The following FAM135B variants were observed in gnomAD, a reference collection of about 807,000 sequenced individuals.
FAM135B encodes family with sequence similarity 135 member B, also known as protein FAM135B.
FAM135B carries 43 observed loss-of-function variants against 127.7 expected under a neutral mutation model. That is an observed-to-expected ratio of 0.34 (90% CI 0.26 to 0.43). The LOEUF is 0.43. FAM135B is among the 20% of genes least tolerant of loss of function. The probability of loss-of-function intolerance (pLI) is 1.00; values close to 1 mark genes in which losing one functional copy is unlikely to be tolerated. For missense variants in FAM135B, 1,558 were observed against 1,725.6 expected (o/e 0.90, Z 1.72); for synonymous variants, 670 against 665.1 (o/e 1.01, Z -0.11).
intron 1 of FAM135B, among the ~76,000 whole-genome samples, chr8:138,412,919 TGCATGTGCAGAA>T (rs1328601765): frequency 2.0e-5 from 3 of 152,152 alleles, no homozygotes; most frequent in Admixed American, 6.5e-5. Context: ...CTCCCAAAAC[TGCATGTGCAGAA>T]GCCTTTGTTG....
chr8:138,230,192 C>T (rs376498942), intron 7 of FAM135B, among the ~76,000 whole-genome samples: 7 of 152,288 alleles, frequency 4.6e-5, no homozygotes, highest in East Asian at 3.9e-4. Context: ...TCTGCCACCA[C>T]GGTCATTCTG....
chr8:138,245,914 G>C (rs1213817128), intron 6 of FAM135B, among the ~76,000 whole-genome samples: 2 of 152,182 alleles, frequency 1.3e-5, no homozygotes, highest in Admixed American at 6.5e-5. Flanking sequence ...CCAAATTGCT[G>C]ATAGTGATAT....
chr8:138,187,102 A>T (rs1815653008), intron 9 of FAM135B, among the ~76,000 whole-genome samples: 1 of 152,214 alleles, frequency 6.6e-6, no homozygotes, highest in African/African-American at 2.4e-5. Context: ...TCATTGTTGC[A>T]GTGACTGCAG....
At chr8:138,261,548 C>T (rs1822539693) in intron 4 of FAM135B, among the ~76,000 whole-genome samples, 1 of 152,214 alleles carries the variant, frequency 6.6e-6, no homozygotes, top group Non-Finnish European at 1.5e-5. Flanking sequence ...CACTCTGCCC[C>T]ATTCCATTGC....
At chr8:138,466,450 G>T (rs149948095) in intron 1 of FAM135B, among the ~76,000 whole-genome samples, 12 of 152,260 alleles carry the variant, frequency 7.9e-5, no homozygotes, top group African/African-American at 2.9e-4. Flanking sequence ...AAATGCACCA[G>T]GAAAGGCAAT....
chr8:138,196,539 A>C lies in FAM135B; in HGVS notation c.823+977T>G, dbSNP rs190289769. ...ATTTGGGAAGCAAAACATGCAAATAAATTTTTTACGTGATGATTTCAGTGC... is the reference window on the plus strand; with the variant it reads ...ATTTGGGAAGCAAAACATGCAAATACATTTTTTACGTGATGATTTCAGTGC... On this transcript the variant is annotated intron_variant, in intron 8 of 19. Transcript: ENST00000395297. 8.5e-5 allele frequency among the ~76,000 whole-genome samples: 13 copies of C among 152,300 alleles called. No individual in the cohort carries two copies. The East Asian group carries it at 1.5e-3, about 18-fold the overall frequency.
chr8:138,169,550 C>A (rs1280499666), intron 11 of FAM135B, among the ~76,000 whole-genome samples: 1 of 150,234 alleles, frequency 6.7e-6, no homozygotes, highest in Non-Finnish European at 1.5e-5. Flanking sequence ...ATATTTAACT[C>A]TTTAAATATT....
At chr8:138,414,507 A>G (rs1834035482) in intron 1 of FAM135B, among the ~76,000 whole-genome samples, 1 of 152,220 alleles carries the variant, frequency 6.6e-6, no homozygotes, top group African/African-American at 2.4e-5. Context: ...AGACATAAGA[A>G]GAGAATAGTT....
chr8:138,226,615 G>A (rs1819473212), intron 7 of FAM135B, among the ~76,000 whole-genome samples: 2 of 152,148 alleles, frequency 1.3e-5, no homozygotes, highest in South Asian at 4.1e-4. Context: ...AGGCTGGAGT[G>A]CAGTAGTGTG....
At chr8:138,430,690 G>T (rs1478548676) in intron 1 of FAM135B, among the ~76,000 whole-genome samples, 1 of 152,072 alleles carries the variant, frequency 6.6e-6, no homozygotes, top group Non-Finnish European at 1.5e-5. Context: ...CGAGGACGGG[G>T]GTAAAAAGAC....
At chr8:138,431,472 G>A (rs188877318) in intron 1 of FAM135B, among the ~76,000 whole-genome samples, 2 of 152,312 alleles carry the variant, frequency 1.3e-5, no homozygotes. Context: ...GGCCTAGTCT[G>A]ACAACTGCTT....
At chr8:138,256,113 G>A (rs1822071296) in intron 5 of FAM135B, among the ~76,000 whole-genome samples, 1 of 137,216 alleles carries the variant, frequency 7.3e-6, no homozygotes. Context: ...TTACTTATTA[G>A]CTGAAATATC....
At chr8:138,465,124 G>T (rs1837317307) in intron 1 of FAM135B, among the ~76,000 whole-genome samples, 1 of 152,128 alleles carries the variant, frequency 6.6e-6, no homozygotes, top group Admixed American at 6.5e-5. Flanking sequence ...AACCAAGCCG[G>T]GCTCTTGTGG....
At position 138,137,223 on chromosome 8, in the gene FAM135B, A is replaced by G. The variant is rs2130540906; in HGVS notation, c.3939T>C (p.Ser1313=). 1 of 1,611,936 alleles carries G rather than the reference A, an allele frequency of 6.2e-7. No individual in the cohort carries two copies. Among genetic ancestry groups the G allele is most frequent in the Non-Finnish European group, 8.5e-7 (1 of 1,177,982 alleles). The part of the protein sequence containing the change: ...QYFKNVVLVA[S]PQDRYVPFHS... ...GAAATGGCACATAACGGTCTTGGGG[A>G]GAAGCAACCAGCACGACGTTTTTAA... The change falls in exon 19 of 20, where the codon TCT becomes TCC. Residue 1313 remains serine, a synonymous_variant. Coordinates refer to ENST00000395297, the MANE Select transcript of FAM135B (RefSeq NM_015912.4).
chr8:138,237,991 T>C (rs751594477), intron 7 of FAM135B, among the ~76,000 whole-genome samples: 3 of 152,162 alleles, frequency 2.0e-5, no homozygotes, highest in Non-Finnish European at 4.4e-5. Flanking sequence ...GATATCACAG[T>C]AAAAGCAGCA....
chr8:138,327,541 A>G (rs1181262923), intron 2 of FAM135B, among the ~76,000 whole-genome samples: 1 of 152,234 alleles, frequency 6.6e-6, no homozygotes, highest in Non-Finnish European at 1.5e-5. Context: ...AAACATTCAC[A>G]AGTCATGCCA....
chr8:138,288,700 A>G (rs1824880136), intron 3 of FAM135B, among the ~76,000 whole-genome samples: 2 of 152,230 alleles, frequency 1.3e-5, no homozygotes. Flanking sequence ...TCGATAATCA[A>G]AATAATTTAT....
chr8:138,465,450 G>C (rs903646788), intron 1 of FAM135B, among the ~76,000 whole-genome samples: 2 of 152,160 alleles, frequency 1.3e-5, no homozygotes, highest in African/African-American at 4.8e-5. Context: ...ACTCAGGGCT[G>C]ATCAAATCCA....
At chr8:138,175,667 T>G (rs932541143) in intron 11 of FAM135B, among the ~76,000 whole-genome samples, 2 of 152,216 alleles carry the variant, frequency 1.3e-5, no homozygotes, top group Non-Finnish European at 2.9e-5. Context: ...CAGTTTGTCC[T>G]TTGTCTGTTT....
Sources: gnomAD v4.1 joint callset for allele counts (sites outside exome capture counted in the v4.1 genomes callset) on GRCh38, gnomAD v4.1.1 for gene constraint, MANE v1.5 for transcripts, NCBI Gene and HGNC (gene_info 2026-07-23, HGNC 2026-07-21) for gene names.